The following SEC23B variants were observed in gnomAD, a reference collection of about 807,000 sequenced individuals.
SEC23B encodes SEC23 homolog B, COPII component.
Under a neutral mutation model 104.3 loss-of-function variants are expected in SEC23B, and 77 were observed. That is an observed-to-expected ratio of 0.74 (90% CI 0.61 to 0.89). The LOEUF is 0.89. Among genes scored for constraint, SEC23B ranks in the 40% least tolerant of loss-of-function variants. SEC23B has a pLI of 0.00. For missense variants in SEC23B, 885 were observed against 949.4 expected, an observed-to-expected ratio of 0.93 and a Z score of 0.89; for synonymous variants, 338 against 332.5, an observed-to-expected ratio of 1.02 and a Z score of -0.18.
At chr20:18,557,823 G>A (rs1479761633) in intron 19 of SEC23B, among the ~76,000 whole-genome samples, 1 of 147,012 alleles carries the variant, frequency 6.8e-6, no homozygotes, top group East Asian at 2.0e-4. Context: ...TGTGATCTCA[G>A]CTCACCGCAA....
At chr20:18,519,656 T>C (rs947688926) in intron 4 of SEC23B, among the ~76,000 whole-genome samples, 3 of 152,170 alleles carry the variant, frequency 2.0e-5, no homozygotes, top group African/African-American at 7.2e-5. Flanking sequence ...TCTCTAAAGC[T>C]GACTTCAAGG....
chr20:18,519,637 T>C (rs1235198799), intron 4 of SEC23B, among the ~76,000 whole-genome samples: 1 of 152,060 alleles, frequency 6.6e-6, no homozygotes, highest in African/African-American at 2.4e-5. Context: ...GAGACTAGTG[T>C]GGGGGCAGTC....
intron 16 of SEC23B, among the ~76,000 whole-genome samples, chr20:18,550,325 T>A (rs1334169640): frequency 6.6e-6 from 1 of 151,924 alleles, no homozygotes; most frequent in Non-Finnish European, 1.5e-5. Flanking sequence ...CCGGCTAATT[T>A]TTTGTGTTTT....
In SEC23B at chr20:18,524,682, C is replaced by T; in HGVS notation, c.603+13C>T. ...AAAGCAAATACAGGTTTGTACCTTA[C>T]TTGTACAGGAGCAGAAACAAGGACT... On this transcript the variant is annotated intron_variant, in intron 5 of 19. Coordinates refer to ENST00000650089, the MANE Select transcript of SEC23B (RefSeq NM_006363.6). 6.3e-7 allele frequency: 1 copy of T among 1,597,004 alleles called. No individual in the cohort carries two copies. Among genetic ancestry groups the T allele is most frequent in the Non-Finnish European group, 8.6e-7 (1 of 1,165,396 alleles).
At chr20:18,519,520 T>A (rs960928863) in intron 4 of SEC23B, among the ~76,000 whole-genome samples, 3 of 152,254 alleles carry the variant, frequency 2.0e-5, no homozygotes, top group Non-Finnish European at 1.5e-5. Flanking sequence ...GTCAAGTTGT[T>A]TGGACAAAAA....
chr20:18,527,856 G>C lies in SEC23B; in HGVS notation c.1109+245G>C, dbSNP rs575712961. ...AGTAACTTATTTCTTCCTTAGAGTT[G>C]TTAACACTTTTACAGAGACCAGGCC... On this transcript the variant is annotated intron_variant, in intron 9 of 19. Coordinates refer to ENST00000650089, the MANE Select transcript of SEC23B (RefSeq NM_006363.6). Among the ~76,000 whole-genome samples the C allele has an allele frequency of 3.9e-5, 6 of 152,318 alleles. 1 individual carries two copies. The South Asian group carries it at 1.2e-3, about 32-fold the overall frequency.
chr20:18,556,735 C>G (rs1327002545), intron 19 of SEC23B, among the ~76,000 whole-genome samples: 2 of 152,146 alleles, frequency 1.3e-5, no homozygotes, highest in African/African-American at 4.8e-5. Context: ...CGGTGGCTCA[C>G]GCCTGTAATC....
At chr20:18,549,383 T>C (rs904544412) in intron 16 of SEC23B, among the ~76,000 whole-genome samples, 2 of 152,204 alleles carry the variant, frequency 1.3e-5, no homozygotes, top group Non-Finnish European at 2.9e-5. Context: ...ATGTAAATAA[T>C]TGTCATACTG....
intron 12 of SEC23B, among the ~76,000 whole-genome samples, chr20:18,540,716 T>A (rs2060279741): frequency 6.6e-6 from 1 of 152,106 alleles, no homozygotes; most frequent in Admixed American, 6.5e-5. Flanking sequence ...ATTAGCCAGA[T>A]GTGGTGGTGT....
At chr20:18,543,745 G>GC (rs35112682) in intron 14 of SEC23B, among the ~76,000 whole-genome samples, 19,012 of 152,204 alleles carry the variant, frequency 0.12, 1,293 homozygotes, top group Admixed American at 0.18. Context: ...AGTTGGGAGG[G>GC]CATGGCCATG....
rs147771493 is a variant in SEC23B, at chr20:18,527,403, A to G, written c.994-93A>G. On this transcript the variant is annotated intron_variant, in intron 8 of 19. Transcript: ENST00000650089. ...AAAAAGAGAAAAGAAAATGATTTAC[A>G]TGTTTTTATATTTGATTACCTCCTT... 3.1e-4 allele frequency: 249 copies of G among 809,634 alleles called. No homozygotes were observed. The African/African-American group carries it at 3.2e-3, about 10-fold the overall frequency. The allele number at this position is 809,634 out of a possible 1,614,324, so 50.2% of individuals were successfully genotyped here. A position where few individuals can be genotyped will look rare whatever the true frequency, so the allele number is the denominator to read the frequency against.
chr20:18,553,527 G>A (rs1237422557), intron 17 of SEC23B, among the ~76,000 whole-genome samples: 1 of 152,174 alleles, frequency 6.6e-6, no homozygotes, highest in Admixed American at 6.5e-5. Context: ...AATGTTTCTT[G>A]ATTTCCTGTG....
chr20:18,537,599 G>C (rs138280535), intron 12 of SEC23B, among the ~76,000 whole-genome samples: 4 of 151,892 alleles, frequency 2.6e-5, no homozygotes, highest in Admixed American at 2.0e-4. Context: ...GGTGGGGGAA[G>C]GGGGGAGGAA....
rs145168373 is a variant in SEC23B, at chr20:18,535,981, T to C, written c.1404+239T>C. On this transcript the variant is annotated intron_variant, in intron 12 of 19. Transcript: ENST00000650089. ...ACTGATAAGGTCATTAGAAGTGTAATAGATTTTACCAGTCATCATAATGTT... is the reference window on the plus strand; with the variant it reads ...ACTGATAAGGTCATTAGAAGTGTAACAGATTTTACCAGTCATCATAATGTT... Among the ~76,000 whole-genome samples, 25 of 152,372 alleles carry C rather than the reference T, an allele frequency of 1.6e-4. No individual in the cohort carries two copies. The East Asian group carries it at 4.4e-3, about 27-fold the overall frequency.
chr20:18,560,929 T>G lies in SEC23B; in HGVS notation c.*189T>G. 1 of 598,560 alleles carries G rather than the reference T, an allele frequency of 1.7e-6. No homozygotes were observed. The highest frequency in any genetic ancestry group is 2.8e-5 in the Admixed American group (1 of 36,362). 37.1% of individuals were successfully genotyped at this position (598,560 alleles called of 1,614,324 possible). ...TCCTTTTTCTTGCACTATAAAATTA[T>G]AAGGTCATAAATGTTTTGGTACTTG... On this transcript the variant is annotated 3_prime_UTR_variant, in exon 20 of 20. Transcript: ENST00000650089.
rs1331894607 is a variant in SEC23B, at chr20:18,560,706, A to C, written c.2270A>C (p.His757Pro). The change falls in exon 20 of 20, where the codon CAT becomes CCT. Residue 757 changes from histidine to proline, a missense_variant. Physicochemically the swap from His to Pro is moderately conservative, Grantham distance 77. Transcript: ENST00000650089. The stretch of plus-strand genomic sequence containing the variant: ...GTTAGCCTGCAGGTGTTCATGGACC[A>C]TTTGAAGAAGCTGGCTGTCTCCAGT... ...DDVSLQVFMDHLKKLAVSSAC is the reference protein window; with the variant it reads ...DDVSLQVFMDPLKKLAVSSAC 1 of 1,614,166 alleles carries C rather than the reference A, an allele frequency of 6.2e-7. No individual in the cohort carries two copies. Among genetic ancestry groups the C allele is most frequent in the Non-Finnish European group, 8.5e-7 (1 of 1,180,004 alleles).
At chr20:18,540,291 A>G (rs1161962624) in intron 12 of SEC23B, among the ~76,000 whole-genome samples, 1 of 152,240 alleles carries the variant, frequency 6.6e-6, no homozygotes, top group Non-Finnish European at 1.5e-5. Flanking sequence ...GTTAGCAGGC[A>G]TGAAAACGTT....
intron 12 of SEC23B, 136 bp downstream of exon 12, chr20:18,535,878 C>T: frequency 1.4e-6 from 1 of 725,608 alleles, no homozygotes; most frequent in Non-Finnish European, 2.4e-6. Context: ...GATAGTCTGG[C>T]ATGACCTTTT....
At chr20:18,555,950 G>A (rs1029183582) in intron 19 of SEC23B, among the ~76,000 whole-genome samples, 1 of 151,724 alleles carries the variant, frequency 6.6e-6, no homozygotes, top group Admixed American at 6.6e-5. Context: ...CCCTGAGCTT[G>A]TTTTCCTGCA....
Sources: allele counts gnomAD v4.1 joint callset (sites outside exome capture counted in the v4.1 genomes callset), GRCh38; gene constraint gnomAD v4.1.1; transcripts MANE v1.5; gene names NCBI Gene and HGNC (gene_info 2026-07-23, HGNC 2026-07-21).